Variants in ZNF318 observed in about 807,000 individuals in gnomAD.
ZNF318 encodes endocrine regulator.
In ZNF318, 51 loss-of-function variants were observed where a neutral mutation model predicts 124.2. That is an observed-to-expected ratio of 0.41 (90% CI 0.33 to 0.52). The LOEUF is 0.52. ZNF318 is among the 20% of genes least tolerant of loss of function. The pLI is 0.23. For synonymous variants in ZNF318, 1,090 were observed against 1,040.7 expected (o/e 1.05, Z -0.91); for missense variants, 2,815 against 2,811.2 (o/e 1.00, Z -0.03).
intron 7 of ZNF318, 69 bp from the exon 8 acceptor site, chr6:43,342,280 T>A: frequency 7.6e-7 from 1 of 1,317,952 alleles, no homozygotes; most frequent in Non-Finnish European, 1.0e-6. Flanking sequence ...TTCTCTTTTT[T>A]TTCCCCCATA....
chr6:43,344,285 A>G (rs1299166673), intron 6 of ZNF318, among the ~76,000 whole-genome samples: 2 of 152,212 alleles, frequency 1.3e-5, no homozygotes, highest in Non-Finnish European at 2.9e-5. Context: ...AAGATAATCT[A>G]GGAATACATT....
Position 43,339,706 on chromosome 6 carries a change from C to T in ZNF318, c.4292G>A (p.Ser1431Asn). Residue 1431 changes from serine (S) to asparagine (N), a missense_variant, in exon 10 of 10, where the codon AGT becomes AAT. Transcript: ENST00000361428. This position sits in a 1 kb window ranked among gnomAD's most constrained non-coding sequence, Gnocchi z 4.2. ...PEEKVVLAEK[S>N]EPSHLPEQIL... ...TTGTTCAGGTAAATGAGATGGCTCA[C>T]TCTTTTCAGCCAACACCACTTTTTC... The T allele has an allele frequency of 4.3e-6, 7 of 1,614,020 alleles. No individual in the cohort carries two copies. The highest frequency in any genetic ancestry group is 5.9e-6 in the Non-Finnish European group (7 of 1,180,000).
At position 43,337,664 on chromosome 6, in the gene ZNF318, T is replaced by A; in HGVS notation, c.6334A>T (p.Asn2112Tyr). The A allele has an allele frequency of 6.2e-7, 1 of 1,614,140 alleles. No individual in the cohort carries two copies. The highest frequency in any genetic ancestry group is 8.5e-7 in the Non-Finnish European group (1 of 1,180,012). Residue 2112 changes from asparagine (N) to tyrosine (Y), a missense_variant, in exon 10 of 10, where the codon AAT becomes TAT. Transcript: ENST00000361428. Reference protein sequence around the residue: ...PNILKTGLTENVDRGLGGLEG... With the variant: ...PNILKTGLTEYVDRGLGGLEG... ...AGGCCCCCCAAGCCACGGTCAACAT[T>A]TTCTGTAAGTCCAGTTTTCAAAATG...
intron 6 of ZNF318, among the ~76,000 whole-genome samples, chr6:43,344,181 A>G (rs1196568605): frequency 3.3e-5 from 5 of 152,218 alleles, no homozygotes; most frequent in Non-Finnish European, 7.3e-5. Context: ...CCTGAGTCCT[A>G]TTCAAGAATC....
chr6:43,346,478 T>C (rs1779446701), intron 6 of ZNF318, among the ~76,000 whole-genome samples: 1 of 138,122 alleles, frequency 7.2e-6, no homozygotes, highest in African/African-American at 2.8e-5. Flanking sequence ...AAGAACTCTG[T>C]CTCAAAAGAC....
chr6:43,369,367 G>T lies in ZNF318; in HGVS notation c.-2C>A, dbSNP rs1779806743. 1.1e-5 allele frequency: 14 copies of T among 1,267,700 alleles called. No individual in the cohort carries two copies. Among genetic ancestry groups the T allele is most frequent in the Non-Finnish European group, 1.4e-5 (14 of 1,000,654 alleles). 78.5% of individuals were successfully genotyped at this position (1,267,700 alleles called of 1,614,324 possible). On this transcript the variant is annotated 5_prime_UTR_variant, in exon 1 of 10. Transcript: ENST00000361428. The stretch of plus-strand genomic sequence containing the variant: ...GGAGCGAGCGCTGCTGCGGTACATG[G>T]TTCTTGCAGCGGCGGCCACGGCGAC...
In ZNF318 at chr6:43,336,932, T is replaced by G; in HGVS notation, c.*226A>C. On this transcript the variant is annotated 3_prime_UTR_variant, in exon 10 of 10. Coordinates refer to ENST00000361428, the MANE Select transcript of ZNF318 (RefSeq NM_014345.3). Reference sequence around the variant, plus strand: ...AATTAACAAAATACATTTTTACAGATATATATATATATATATAAGTTGTTA... The same window carrying G: ...AATTAACAAAATACATTTTTACAGAGATATATATATATATATAAGTTGTTA... 1.3e-5 allele frequency: 2 copies of G among 150,786 alleles called. No individual in the cohort carries two copies. Among genetic ancestry groups the G allele is most frequent in the East Asian group, 1.2e-4 (1 of 8,268 alleles). 9.3% of individuals were successfully genotyped at this position (150,786 alleles called of 1,614,324 possible).
At position 43,352,438 on chromosome 6, in the gene ZNF318, T is replaced by C. The variant is rs1245967177; in HGVS notation, c.2709A>G (p.Glu903=). 1.9e-6 allele frequency: 3 copies of C among 1,614,144 alleles called. No individual in the cohort carries two copies. Among genetic ancestry groups the C allele is most frequent in the African/African-American group, 2.7e-5 (2 of 75,050 alleles). ...EEREKLKNDR[E]ARQKKMYYLR... ...GATAGTACATCTTCTTCTGGCGGGC[T>C]TCCCGGTCATTCTTTAGTTTTTCCC... is the stretch of plus-strand genomic sequence containing the variant. Residue 903 remains glutamate, a synonymous_variant, in exon 5 of 10, where the codon GAA becomes GAG. Transcript: ENST00000361428.
At chr6:43,349,141 T>C (rs1779494040) in intron 5 of ZNF318, among the ~76,000 whole-genome samples, 1 of 152,188 alleles carries the variant, frequency 6.6e-6, no homozygotes. Flanking sequence ...TTATCTTTTG[T>C]GTAAAGGTTA....
At chr6:43,363,161 G>A (rs997168084) in intron 2 of ZNF318, among the ~76,000 whole-genome samples, 2 of 152,132 alleles carry the variant, frequency 1.3e-5, no homozygotes, top group Non-Finnish European at 2.9e-5. Flanking sequence ...AAGCACATGT[G>A]CATAACAAAG....
rs1193335677 is a variant in ZNF318 at position 43,338,419 on chromosome 6, C to T, written c.5579G>A (p.Cys1860Tyr). ...KVVIKLSPQA[C>Y]SFTKAKLDSF... ...GTCTAATTTTGCCTTTGTGAAAGAG[C>T]AAGCCTGTGGACTCAATTTGATCAC... is the stretch of plus-strand genomic sequence containing the variant. Residue 1860 changes from cysteine (C) to tyrosine (Y), a missense_variant, in exon 10 of 10, where the codon TGC becomes TAC. By Grantham distance (194) the Cys-to-Tyr change is radical. Coordinates refer to ENST00000361428, the MANE Select transcript of ZNF318 (RefSeq NM_014345.3). 6.2e-7 allele frequency: 1 copy of T among 1,614,186 alleles called. No homozygotes were observed. The highest frequency in any genetic ancestry group is 1.1e-5 in the South Asian group (1 of 91,078).
Position 43,365,261 on chromosome 6 carries a change from T to C in ZNF318, c.548+31A>G, listed in dbSNP as rs2150758165. 3.1e-6 allele frequency: 5 copies of C among 1,604,696 alleles called. No homozygotes were observed. The South Asian group carries it at 4.4e-5, about 14-fold the overall frequency. Reference sequence around the variant, plus strand: ...CAACATTTCTGCCTTCAAGTACTAGTATAGTAGGCCCTGCCTTAGGTGATG... The same window carrying C: ...CAACATTTCTGCCTTCAAGTACTAGCATAGTAGGCCCTGCCTTAGGTGATG... On this transcript the variant is annotated intron_variant, in intron 2 of 9. Coordinates refer to ENST00000361428, the MANE Select transcript of ZNF318 (RefSeq NM_014345.3).
In ZNF318 at chr6:43,352,405, G is replaced by A. The variant is rs768155104; in HGVS notation, c.2742C>T (p.Thr914=). The change falls in exon 5 of 10, where the codon ACC becomes ACT. Residue 914 remains threonine, a synonymous_variant. Coordinates refer to ENST00000361428, the MANE Select transcript of ZNF318 (RefSeq NM_014345.3). Reference sequence around the variant, plus strand: ...GTTGTTTATGAAGCCGCTCTAACTCGGTCCTAAGATAGTACATCTTCTTCT... The same window carrying A: ...GTTGTTTATGAAGCCGCTCTAACTCAGTCCTAAGATAGTACATCTTCTTCT... ...ARQKKMYYLR[T]ELERLHKQQG... is the part of the protein sequence containing the mutation. 1.1e-5 allele frequency: 17 copies of A among 1,613,906 alleles called. No individual in the cohort carries two copies. The highest frequency in any genetic ancestry group is 1.6e-4 in the Middle Eastern group (1 of 6,080).
At chr6:43,353,150 G>A (rs1779556884) in intron 4 of ZNF318, among the ~76,000 whole-genome samples, 2 of 152,134 alleles carry the variant, frequency 1.3e-5, no homozygotes, top group South Asian at 2.1e-4. Flanking sequence ...ATTTATAAAA[G>A]GAAAATAAAG....
At position 43,337,983 on chromosome 6, in the gene ZNF318, G is replaced by T. The variant is rs1465996428; in HGVS notation, c.6015C>A (p.Asp2005Glu). 6.2e-6 allele frequency: 10 copies of T among 1,614,038 alleles called. No homozygotes were observed. Among genetic ancestry groups the T allele is most frequent in the Admixed American group, 1.7e-5 (1 of 59,992 alleles). ...SKALEDFEATDLKVEELTALG... is the reference protein window; with the variant it reads ...SKALEDFEATELKVEELTALG... ...GGGCAGTAAGCTCCTCTACCTTTAA[G>T]TCTGTAGCTTCAAAGTCTTCTAGGG... The change falls in exon 10 of 10, where the codon GAC (aspartate) becomes GAA (glutamate). Residue 2005 changes from aspartate (D) to glutamate (E), a missense_variant. Transcript: ENST00000361428.
intron 2 of ZNF318, among the ~76,000 whole-genome samples, chr6:43,364,678 T>C (rs1357957445): frequency 4.6e-5 from 7 of 152,230 alleles, no homozygotes; most frequent in African/African-American, 4.8e-5. Context: ...ACAATCTATA[T>C]ATGGTTAAGT....
At position 43,354,655 on chromosome 6, in the gene ZNF318, A is replaced by G; in HGVS notation, c.2670+9T>C. On this transcript the variant is annotated intron_variant, in intron 4 of 9. Transcript: ENST00000361428. ...ACTCAGGCACAGGATACCCAAAGCT[A>G]ATATTCACCTTTTGCTTCTGGGAAG... The G allele has an allele frequency of 6.3e-7, 1 of 1,585,892 alleles. No homozygotes were observed. Among genetic ancestry groups the G allele is most frequent in the Non-Finnish European group, 8.6e-7 (1 of 1,164,042 alleles).
chr6:43,366,952 T>C (rs866451551), intron 1 of ZNF318, among the ~76,000 whole-genome samples: 2 of 152,014 alleles, frequency 1.3e-5, no homozygotes, highest in South Asian at 4.2e-4. Flanking sequence ...CCCAGGTTCA[T>C]GCCATTCTCC....
rs770933258 is a variant in ZNF318 at position 43,340,250 on chromosome 6, T to C, written c.3748A>G (p.Lys1250Glu). The change falls in exon 10 of 10, where the codon AAA becomes GAA. Residue 1250 changes from lysine to glutamate, a missense_variant. Physicochemically the swap from Lys to Glu is moderately conservative, Grantham distance 56 (BLOSUM62 1). Coordinates refer to ENST00000361428, the MANE Select transcript of ZNF318 (RefSeq NM_014345.3). Reference sequence around the variant, plus strand: ...TGGAGTTTGATGCCAGTGTTCCTTTTATTTTCAGCTTTTTCAGGGGAGTTC... The same window carrying C: ...TGGAGTTTGATGCCAGTGTTCCTTTCATTTTCAGCTTTTTCAGGGGAGTTC... Reference protein sequence around the residue: ...GRNSPEKAENKRNTGIKLQLK... With the variant: ...GRNSPEKAENERNTGIKLQLK... 1.1e-5 allele frequency: 18 copies of C among 1,614,038 alleles called. No individual in the cohort carries two copies. The highest frequency in any genetic ancestry group is 1.4e-5 in the Non-Finnish European group (16 of 1,180,036).
Sources: gnomAD v4.1 joint callset for allele counts (sites outside exome capture counted in the v4.1 genomes callset) on GRCh38, gnomAD v4.1.1 for gene constraint, Gnocchi (gnomAD v3.1) non-coding constraint, MANE v1.5 for transcripts, NCBI Gene and HGNC (gene_info 2026-07-23, HGNC 2026-07-21) for gene names.